ZNF136: variants seen among roughly 807,000 people sequenced by gnomAD.
The protein encoded by ZNF136 is zinc finger protein 136 (clone pHZ-20).
In ZNF136, 8 loss-of-function variants were observed where a neutral mutation model predicts 11.4. That is an observed-to-expected ratio of 0.70 (90% CI 0.41 to 1.27). The LOEUF (loss-of-function observed/expected upper bound fraction) is 1.27, where lower values mean the gene tolerates loss of function less well. Ranked by LOEUF, ZNF136 falls within the 50% of genes most tolerant of loss-of-function variation. The pLI is 0.01. For missense variants in ZNF136, 590 were observed against 656.5 expected (o/e 0.90, Z 1.11); for synonymous variants, 190 against 207.1 (o/e 0.92, Z 0.71).
At position 12,186,731 on chromosome 19, in the gene ZNF136, A is replaced by T. The variant is rs1359177801; in HGVS notation, c.353A>T (p.Asn118Ile). 4.4e-5 allele frequency: 71 copies of T among 1,614,160 alleles called. No homozygotes were observed. The highest frequency in any genetic ancestry group is 6.0e-5 in the Non-Finnish European group (71 of 1,180,016). ...GTCAGCATGGGTCAGTCATCCCTTA[A>T]TAGACACATCAAAGATCACAGTGGA... ...GEVSMGQSSL[N>I]RHIKDHSGHE... The change falls in exon 4 of 4, where the codon AAT (asparagine) becomes ATT (isoleucine). Residue 118 changes from asparagine (N) to isoleucine (I), a missense_variant. By Grantham distance (149) the Asn-to-Ile change is moderately radical. Coordinates refer to ENST00000343979, the MANE Select transcript of ZNF136 (RefSeq NM_003437.5).
intron 2 of ZNF136, 71 bp downstream of exon 2, chr19:12,185,982 T>C: frequency 6.2e-7 from 1 of 1,606,836 alleles, no homozygotes; most frequent in Non-Finnish European, 8.5e-7. Flanking sequence ...TGCTGTTCCA[T>C]GGTTTGCATC....
Position 12,182,884 on chromosome 19 carries a change from C to T in ZNF136, c.4-2901C>T, listed in dbSNP as rs529569086. 1.2e-4 allele frequency among the ~76,000 whole-genome samples: 19 copies of T among 152,228 alleles called. No homozygotes were observed. The South Asian group carries it at 3.7e-3, about 30-fold the overall frequency. On this transcript the variant is annotated intron_variant, in intron 1 of 3. Coordinates refer to ENST00000343979, the MANE Select transcript of ZNF136 (RefSeq NM_003437.5). ...CAGTTAAGTCAGATTTCTCTGTGTT[C>T]CAGGTTAGAGTGGCCTTCCCTGATT...
intron 1 of ZNF136, among the ~76,000 whole-genome samples, chr19:12,178,995 GAAAA>G (rs1914868461): frequency 1.7e-5 from 2 of 119,784 alleles, no homozygotes; most frequent in African/African-American, 6.2e-5. Context: ...TCTCACAAAA[GAAAA>G]AAAAGAAAGA....
At chr19:12,175,554 A>T (rs1252704011) in intron 1 of ZNF136, among the ~76,000 whole-genome samples, 1 of 152,194 alleles carries the variant, frequency 6.6e-6, no homozygotes, top group African/African-American at 2.4e-5. Context: ...CATAGTACAG[A>T]GTTCCCTTAT....
intron 1 of ZNF136, among the ~76,000 whole-genome samples, chr19:12,178,775 G>A (rs1488552370): frequency 6.6e-6 from 1 of 152,122 alleles, no homozygotes; most frequent in African/African-American, 2.4e-5. Flanking sequence ...TGGATCATGA[G>A]GTCAGGAGAT....
intron 1 of ZNF136, among the ~76,000 whole-genome samples, chr19:12,163,520 G>A (rs1977141804): frequency 6.6e-6 from 1 of 152,248 alleles, no homozygotes; most frequent in East Asian, 1.9e-4. Flanking sequence ...CGTGGAAGGA[G>A]CTGTGGTGTA....
At chr19:12,180,082 G>A in intron 1 of ZNF136, among the ~76,000 whole-genome samples, 1 of 151,994 alleles carries the variant, frequency 6.6e-6, no homozygotes, top group East Asian at 1.9e-4. Context: ...TAGCCAGGAT[G>A]GTCTTGATCT....
intron 1 of ZNF136, chr19:12,185,565 A>G (rs564425536): frequency 2.8e-5 from 14 of 508,370 alleles, no homozygotes; most frequent in Non-Finnish European, 4.7e-5. Flanking sequence ...ACTCCTTGCA[A>G]CCACCACCAA....
intron 1 of ZNF136, among the ~76,000 whole-genome samples, chr19:12,179,103 G>A (rs994594853): frequency 4.6e-5 from 7 of 151,292 alleles, no homozygotes; most frequent in African/African-American, 1.7e-4. Flanking sequence ...TCATGCTCAT[G>A]TAGTCACAGT....
At chr19:12,180,532 G>A (rs1452547931) in intron 1 of ZNF136, among the ~76,000 whole-genome samples, 1 of 152,168 alleles carries the variant, frequency 6.6e-6, no homozygotes, top group African/African-American at 2.4e-5. Flanking sequence ...GAAAGTAAAT[G>A]ATGGTGTGAG....
At chr19:12,176,472 G>A (rs147474035) in intron 1 of ZNF136, among the ~76,000 whole-genome samples, 6 of 152,078 alleles carry the variant, frequency 3.9e-5, no homozygotes, top group Admixed American at 6.6e-5. Flanking sequence ...GATTACAGGC[G>A]CTTGCCACCA....
chr19:12,169,564 A>G (rs900211289), intron 1 of ZNF136, among the ~76,000 whole-genome samples: 5 of 151,524 alleles, frequency 3.3e-5, no homozygotes, highest in African/African-American at 1.2e-4. Context: ...CCCTAATTTC[A>G]TCCTCCTTCT....
Position 12,163,140 on chromosome 19 carries a change from C to T in ZNF136, c.-64C>T, listed in dbSNP as rs1599448903. On this transcript the variant is annotated 5_prime_UTR_variant, in exon 1 of 4. Coordinates refer to ENST00000343979, the MANE Select transcript of ZNF136 (RefSeq NM_003437.5). ...AGTGGCTCGCCTGGAGTCTCTGTGG[C>T]GCGGTTTCCTGTACCTGCCTTGGGA... is the stretch of plus-strand genomic sequence containing the variant. The T allele has an allele frequency of 1.6e-5, 23 of 1,395,680 alleles. No homozygotes were observed. In the East Asian group the frequency reaches 3.8e-4, roughly 23 times the overall value. 86.5% of individuals were successfully genotyped at this position (1,395,680 alleles called of 1,614,324 possible).
At chr19:12,177,338 T>TTTTG (rs530222333) in intron 1 of ZNF136, among the ~76,000 whole-genome samples, 3 of 152,194 alleles carry the variant, frequency 2.0e-5, no homozygotes, top group African/African-American at 7.2e-5. Context: ...GTATAGAAGT[T>TTTTG]TTTGTTTGTT....
chr19:12,176,206 G>A (rs1213385048), intron 1 of ZNF136, among the ~76,000 whole-genome samples: 2 of 152,142 alleles, frequency 1.3e-5, no homozygotes, highest in African/African-American at 4.8e-5. Context: ...TGGAGGTTAA[G>A]AGACACCCCT....
chr19:12,179,738 T>C (rs1914894578), intron 1 of ZNF136, among the ~76,000 whole-genome samples: 1 of 152,238 alleles, frequency 6.6e-6, no homozygotes, highest in Non-Finnish European at 1.5e-5. Context: ...TTATGATAGT[T>C]CTTACCCAGA....
chr19:12,166,854 A>G (rs552493517), intron 1 of ZNF136, among the ~76,000 whole-genome samples: 2 of 152,328 alleles, frequency 1.3e-5, no homozygotes, highest in South Asian at 4.1e-4. Flanking sequence ...TGAGGTATGT[A>G]AAGGGAAGTG....
intron 1 of ZNF136, among the ~76,000 whole-genome samples, chr19:12,165,602 A>T (rs1977175272): frequency 6.6e-6 from 1 of 152,208 alleles, no homozygotes; most frequent in Non-Finnish European, 1.5e-5. Flanking sequence ...TTTTTACCTA[A>T]GAAGCAGAAT....
At chr19:12,183,214 G>A (rs1021368515) in intron 1 of ZNF136, among the ~76,000 whole-genome samples, 2 of 151,750 alleles carry the variant, frequency 1.3e-5, no homozygotes, top group Admixed American at 1.3e-4. Flanking sequence ...GCACAATCAC[G>A]TCTCACTGCA....
Sources: gnomAD v4.1 joint callset for allele counts (sites outside exome capture counted in the v4.1 genomes callset) on GRCh38, gnomAD v4.1.1 for gene constraint, MANE v1.5 for transcripts, NCBI Gene and HGNC (gene_info 2026-07-23, HGNC 2026-07-21) for gene names.